The following LINGO2 variants were observed in gnomAD, a reference collection of about 807,000 sequenced individuals.
The protein encoded by LINGO2 is leucine-rich repeat and immunoglobulin-like domain-containing nogo receptor-interacting protein 2.
Under a neutral mutation model 30.6 loss-of-function variants are expected in LINGO2, and 14 were observed. That is an observed-to-expected ratio of 0.46 (90% CI 0.30 to 0.72). The LOEUF is 0.72. Ranked by LOEUF, LINGO2 falls within the 30% of genes least tolerant of loss-of-function variation. LINGO2 has a pLI of 0.07. For synonymous variants in LINGO2, 317 were observed against 288.5 expected (o/e 1.10, Z -1.00); for missense variants, 729 against 751.7 (o/e 0.97, Z 0.35).
intron 3 of LINGO2, among the ~76,000 whole-genome samples, chr9:28,306,010 T>C (rs1434615073): frequency 6.6e-6 from 1 of 152,132 alleles, no homozygotes; most frequent in East Asian, 1.9e-4. Context: ...GATAATTATA[T>C]TTTGTTTGTG....
chr9:28,226,615 G>C (rs745668692), intron 4 of LINGO2, among the ~76,000 whole-genome samples: 33 of 95,344 alleles, frequency 3.5e-4, no homozygotes, highest in Non-Finnish European at 6.6e-4. Flanking sequence ...AAAAAGGTAA[G>C]AAGGAAAGAA....
the LINGO2 span, among the ~76,000 whole-genome samples, chr9:29,049,186 A>T: frequency 1.3e-5 from 2 of 152,234 alleles, no homozygotes; most frequent in African/African-American, 4.8e-5. Context: ...AGAAGGAGAT[A>T]AACAAATGAC....
chr9:28,820,810 G>T, the LINGO2 span, among the ~76,000 whole-genome samples: 1 of 152,160 alleles, frequency 6.6e-6, no homozygotes, highest in Non-Finnish European at 1.5e-5. Context: ...TGAATATTCA[G>T]TGAAGGCCAA....
At chr9:28,052,667 G>A (rs1239263560) in intron 4 of LINGO2, among the ~76,000 whole-genome samples, 1 of 152,102 alleles carries the variant, frequency 6.6e-6, no homozygotes, top group Admixed American at 6.6e-5. Flanking sequence ...AACCTGTGCT[G>A]TTCATTCCTA....
chr9:28,488,580 C>A (rs1826264213), intron 1 of LINGO2, among the ~76,000 whole-genome samples: 1 of 152,054 alleles, frequency 6.6e-6, no homozygotes, highest in African/African-American at 2.4e-5. Flanking sequence ...CTAAGTCAAC[C>A]CTTTCTCATT....
chr9:28,878,769 C>T, the LINGO2 span, among the ~76,000 whole-genome samples: 2 of 152,092 alleles, frequency 1.3e-5, no homozygotes, highest in African/African-American at 4.8e-5. Context: ...GCAGAAAAGG[C>T]CTTTGACAAA....
intron 2 of LINGO2, among the ~76,000 whole-genome samples, chr9:28,389,735 G>C (rs1355048612): frequency 1.3e-5 from 2 of 152,114 alleles, no homozygotes; most frequent in Non-Finnish European, 2.9e-5. Context: ...AATGCATCCA[G>C]AACTTTGCAA....
intron 5 of LINGO2, among the ~76,000 whole-genome samples, chr9:27,996,341 T>C (rs1036048619): frequency 1.3e-5 from 2 of 152,194 alleles, no homozygotes; most frequent in African/African-American, 2.4e-5. Context: ...CCTATGTTTA[T>C]TGCAGCACTA....
chr9:28,920,984 T>A, the LINGO2 span, among the ~76,000 whole-genome samples: 77,820 of 151,940 alleles, frequency 0.51, 21,161 homozygotes, highest in Non-Finnish European at 0.6. Context: ...AATATATGCA[T>A]TTTTAGGAAG....
the LINGO2 span, among the ~76,000 whole-genome samples, chr9:28,833,446 C>T: frequency 6.6e-6 from 1 of 152,150 alleles, no homozygotes; most frequent in African/African-American, 2.4e-5. Flanking sequence ...AGTTGTTAAC[C>T]TTGCTAGTCA....
At chr9:28,943,330 A>G in the LINGO2 span, among the ~76,000 whole-genome samples, 6,254 of 152,118 alleles carry the variant, frequency 0.041, 197 homozygotes, top group Admixed American at 0.082. Flanking sequence ...TAGATCTAAA[A>G]TCCTCTCTAA....
intron 4 of LINGO2, among the ~76,000 whole-genome samples, chr9:28,096,480 C>A (rs563338668): frequency 1.3e-5 from 2 of 152,168 alleles, no homozygotes; most frequent in Non-Finnish European, 2.9e-5. Context: ...ACTTATGTCA[C>A]TTCTTCTCAC....
chr9:28,089,003 A>G (rs1333616387), intron 4 of LINGO2, among the ~76,000 whole-genome samples: 1 of 152,208 alleles, frequency 6.6e-6, no homozygotes, highest in African/African-American at 2.4e-5. Context: ...TCAATTCAAC[A>G]AGAAGAGCTA....
chr9:28,594,138 G>A (rs1476094335), intron 1 of LINGO2, among the ~76,000 whole-genome samples: 1 of 151,942 alleles, frequency 6.6e-6, no homozygotes, highest in African/African-American at 2.4e-5. Context: ...TGTTATAAAA[G>A]AGCAAAATCA....
chr9:28,732,116 C>T, the LINGO2 span, among the ~76,000 whole-genome samples: 1 of 151,932 alleles, frequency 6.6e-6, no homozygotes, highest in African/African-American at 2.4e-5. Flanking sequence ...TTTCAGGGAG[C>T]CAAGGAAGTA....
chr9:29,078,309 A>G, the LINGO2 span, among the ~76,000 whole-genome samples: 5 of 151,950 alleles, frequency 3.3e-5, no homozygotes, highest in African/African-American at 1.2e-4. Flanking sequence ...AAATCTGGAG[A>G]ACTGATTTTT....
At position 27,981,548 on chromosome 9, in the gene LINGO2, AAAG is replaced by A. The variant is rs1214395195; in HGVS notation, c.-36+30804_-36+30806del. On this transcript the variant is annotated intron_variant, in intron 5 of 5. Coordinates refer to ENST00000379992, the Ensembl canonical transcript of LINGO2. ...GACGAGGATGGCAAAAAAAAAAAAA[AAAG>A]AAAAAAAAGAAAAAAAAAGAAAAAA... 8.3e-4 allele frequency among the ~76,000 whole-genome samples: 100 copies of A among 120,752 alleles called. 2 individuals are homozygous for A. The highest frequency in any genetic ancestry group is 1.0e-3 in the Non-Finnish European group (58 of 57,178). The allele number at this position is 120,752 out of a possible 152,430, so 79.2% of individuals were successfully genotyped here.
chr9:27,997,138 A>AGGG, intron 5 of LINGO2, among the ~76,000 whole-genome samples: 1 of 152,300 alleles, frequency 6.6e-6, no homozygotes, highest in South Asian at 2.1e-4. Flanking sequence ...TGCTGGCTTT[A>AGGG]TACTGAATTT....
intron 5 of LINGO2, among the ~76,000 whole-genome samples, chr9:28,007,109 A>G (rs912599172): frequency 8.5e-5 from 13 of 152,166 alleles, no homozygotes; most frequent in African/African-American, 2.9e-4. Context: ...TTAAAACAAA[A>G]TCACTTACGT....
Sources: gnomAD v4.1 joint callset for allele counts (sites outside exome capture counted in the v4.1 genomes callset) on GRCh38, gnomAD v4.1.1 for gene constraint, MANE v1.5 for transcripts, NCBI Gene and HGNC (gene_info 2026-07-23, HGNC 2026-07-21) for gene names.